The following PKHD1 variants were observed in gnomAD, a reference collection of about 807,000 sequenced individuals.
The protein encoded by PKHD1 is PKHD1 ciliary IPT domain containing fibrocystin/polyductin, also known as fibrocystin.
Under a neutral mutation model 412.0 loss-of-function variants are expected in PKHD1, and 291 were observed. The ratio of observed to expected loss-of-function variants is 0.71; its 90% CI spans 0.64 to 0.78. PKHD1 has a LOEUF of 0.78. Ranked by LOEUF, PKHD1 falls within the 30% of genes least tolerant of loss-of-function variation. The pLI is 0.00. For missense variants in PKHD1, 4,825 were observed against 4,950.7 expected, an observed-to-expected ratio of 0.97 and a Z score of 0.76; for synonymous variants, 1,777 against 1,821.5, an observed-to-expected ratio of 0.98 and a Z score of 0.62.
intron 11 of PKHD1, among the ~76,000 whole-genome samples, chr6:52,067,388 C>A (rs1173451642): frequency 6.6e-6 from 1 of 152,136 alleles, no homozygotes; most frequent in Non-Finnish European, 1.5e-5. Context: ...AAACTTTTAA[C>A]ATAGTTGTAG....
Position 52,080,124 on chromosome 6 carries a change from A to T in PKHD1, c.282-116T>A. On this transcript the variant is annotated intron_variant, in intron 4 of 66. Transcript: ENST00000371117. ...ACTTTTAAAACAGAGCTAACCAAGG[A>T]TTCCCAGCAGTCACCTTTCACCTCT... 6.9e-6 allele frequency: 5 copies of T among 722,388 alleles called. No homozygotes were observed. The South Asian group carries it at 7.2e-5, about 10-fold the overall frequency. The allele number at this position is 722,388 out of a possible 1,614,324, so 44.7% of individuals were successfully genotyped here. A position where few individuals can be genotyped will look rare whatever the true frequency, so the allele number is the denominator to read the frequency against.
chr6:51,802,420 G>A (rs1186833464), intron 52 of PKHD1, among the ~76,000 whole-genome samples: 1 of 151,404 alleles, frequency 6.6e-6, no homozygotes, highest in Non-Finnish European at 1.5e-5. Flanking sequence ...ATGAGGTTTG[G>A]AGATAAAATC....
chr6:52,087,389 C>T (rs1362518010), intron 1 of PKHD1, 45 bp downstream of exon 1: 1 of 152,214 alleles, frequency 6.6e-6, no homozygotes, highest in Admixed American at 6.5e-5. Context: ...AGAGATACAA[C>T]ACCTAGAAAA....
chr6:51,805,605 G>A (rs1394803048), intron 52 of PKHD1, among the ~76,000 whole-genome samples: 2 of 152,192 alleles, frequency 1.3e-5, no homozygotes, highest in African/African-American at 4.8e-5. Flanking sequence ...CTGGAGGAGA[G>A]AGGTAAGAGG....
intron 55 of PKHD1, among the ~76,000 whole-genome samples, chr6:51,756,777 G>GA (rs977378473): frequency 8.6e-5 from 13 of 151,604 alleles, no homozygotes; most frequent in African/African-American, 2.9e-4. Context: ...TGTAGTTAGG[G>GA]AAAAAAAAGT....
chr6:51,842,417 A>G (rs753960711), intron 50 of PKHD1, among the ~76,000 whole-genome samples: 10 of 152,170 alleles, frequency 6.6e-5, no homozygotes, highest in Admixed American at 1.3e-4. Flanking sequence ...AGAGCCTTTT[A>G]CCAATATAAA....
At position 52,069,513 on chromosome 6, in the gene PKHD1, T is replaced by C. The variant is rs763591478; in HGVS notation, c.722A>G (p.Lys241Arg). Residue 241 changes from lysine (K) to arginine (R), a missense_variant, in exon 11 of 67, where the codon AAG (lysine) becomes AGG (arginine). Transcript: ENST00000371117. ...TTTAGCACTGATCAGCCATGCCTTC[T>C]TGTGGACCATTGACCTTCGAAAAAG... Reference protein sequence around the residue: ...VFNKGKSMVHKKAWLISAKQD... With the variant: ...VFNKGKSMVHRKAWLISAKQD... The C allele has an allele frequency of 3.1e-6, 5 of 1,613,094 alleles. No individual in the cohort carries two copies. In the Admixed American group the frequency reaches 5.0e-5, roughly 16 times the overall value.
At chr6:51,635,276 T>C (rs1005104672) in intron 64 of PKHD1, among the ~76,000 whole-genome samples, 7 of 152,198 alleles carry the variant, frequency 4.6e-5, no homozygotes, top group South Asian at 2.1e-4. Flanking sequence ...ACATAAAATA[T>C]AGTCAGTCCA....
chr6:51,894,083 G>T (rs1330672660), intron 43 of PKHD1, among the ~76,000 whole-genome samples: 1 of 152,168 alleles, frequency 6.6e-6, no homozygotes, highest in African/African-American at 2.4e-5. Flanking sequence ...ATTCACACAG[G>T]TTATGTCTTC....
intron 46 of PKHD1, among the ~76,000 whole-genome samples, chr6:51,872,618 A>G (rs1233751947): frequency 6.6e-6 from 1 of 152,138 alleles, no homozygotes; most frequent in Non-Finnish European, 1.5e-5. Flanking sequence ...CATGTTGGCC[A>G]GGCAGGTCTC....
rs376358912 is a variant in PKHD1 at position 51,638,799 on chromosome 6, C to CAAAAA, written c.11506+45_11506+49dup. 1,655 of 847,500 alleles carry CAAAAA rather than the reference C, an allele frequency of 2.0e-3. 5 individuals carry two copies. The highest frequency in any genetic ancestry group is 2.7e-3 in the East Asian group (101 of 37,416). 52.5% of individuals were successfully genotyped at this position (847,500 alleles called of 1,614,324 possible). ...TATAAGGGAGAAAGGATTATCTTCT[C>CAAAAA]AAAAAAAAAAAAAAAAAACACAGAA... is the stretch of plus-strand genomic sequence containing the variant. On this transcript the variant is annotated intron_variant, in intron 64 of 66. Coordinates refer to ENST00000371117, the MANE Select transcript of PKHD1 (RefSeq NM_138694.4).
chr6:51,685,277 T>C (rs538962858), intron 60 of PKHD1, among the ~76,000 whole-genome samples: 1 of 152,188 alleles, frequency 6.6e-6, no homozygotes, highest in South Asian at 2.1e-4. Flanking sequence ...ATTCTTATCT[T>C]AGGGCATAAT....
chr6:51,944,877 C>T (rs538844221), intron 36 of PKHD1, among the ~76,000 whole-genome samples: 142 of 152,346 alleles, frequency 9.3e-4, no homozygotes, highest in Middle Eastern at 3.4e-3. Flanking sequence ...GCTAGACCAT[C>T]TGCATCCAAC....
intron 35 of PKHD1, among the ~76,000 whole-genome samples, chr6:51,994,270 G>T (rs910014011): frequency 6.6e-6 from 1 of 152,028 alleles, no homozygotes; most frequent in Non-Finnish European, 1.5e-5. Context: ...GGGTAGCTGG[G>T]ACTACAGGCG....
intron 37 of PKHD1, among the ~76,000 whole-genome samples, chr6:51,928,828 T>G (rs962339125): frequency 1.1e-4 from 16 of 152,090 alleles, no homozygotes; most frequent in Non-Finnish European, 1.5e-4. Flanking sequence ...CTGTGGACAT[T>G]CGGACCCTTG....
intron 43 of PKHD1, among the ~76,000 whole-genome samples, chr6:51,895,203 C>T (rs1202394827): frequency 6.6e-6 from 1 of 152,210 alleles, no homozygotes; most frequent in Non-Finnish European, 1.5e-5. Context: ...CCTGTAATTC[C>T]AATCCTTTGG....
chr6:52,050,983 G>C lies in PKHD1; in HGVS notation c.2141-688C>G, dbSNP rs115609082. On this transcript the variant is annotated intron_variant, in intron 21 of 66. Coordinates refer to ENST00000371117, the MANE Select transcript of PKHD1 (RefSeq NM_138694.4). Reference sequence around the variant, plus strand: ...TCAGCACAATATCAACATCCTTTTAGCTTCTTCCCCAAGATTGGTTACAAT... The same window carrying C: ...TCAGCACAATATCAACATCCTTTTACCTTCTTCCCCAAGATTGGTTACAAT... Among the ~76,000 whole-genome samples, 1,021 of 152,308 alleles carry C rather than the reference G, an allele frequency of 6.7e-3. 21 individuals carry two copies. Among genetic ancestry groups the C allele is most frequent in the African/African-American group, 0.023 (952 of 41,566 alleles).
chr6:51,690,730 A>G (rs1778061197), intron 60 of PKHD1, among the ~76,000 whole-genome samples: 3 of 152,220 alleles, frequency 2.0e-5, no homozygotes, highest in Non-Finnish European at 4.4e-5. Flanking sequence ...AAACCTAGGC[A>G]ATACCATTCA....
At chr6:51,702,833 GAATA>G (rs930611217) in intron 60 of PKHD1, among the ~76,000 whole-genome samples, 47 of 149,428 alleles carry the variant, frequency 3.1e-4, no homozygotes, top group African/African-American at 1.1e-3. Flanking sequence ...AAAGAAAAAG[GAATA>G]GATAATTCAA....
Sources: gnomAD v4.1 joint callset for allele counts (sites outside exome capture counted in the v4.1 genomes callset) on GRCh38, gnomAD v4.1.1 for gene constraint, MANE v1.5 for transcripts, NCBI Gene and HGNC (gene_info 2026-07-23, HGNC 2026-07-21) for gene names.